EYS: variants seen among roughly 807,000 people sequenced by gnomAD.
The protein encoded by EYS is protein eyes shut homolog.
Under a neutral mutation model 282.1 loss-of-function variants are expected in EYS, and 250 were observed. The ratio of observed to expected loss-of-function variants is 0.89; its 90% CI spans 0.80 to 0.98. The LOEUF (loss-of-function observed/expected upper bound fraction) is 0.98. EYS is among the 50% of genes least tolerant of loss of function. The probability of loss-of-function intolerance (pLI) is 0.00; values close to 1 mark genes in which losing one functional copy is unlikely to be tolerated. For synonymous variants in EYS, 1,355 were observed against 1,282.9 expected, an observed-to-expected ratio of 1.06 and a Z score of -1.20; for missense variants, 4,016 against 3,709.0, an observed-to-expected ratio of 1.08 and a Z score of -2.15.
rs145215412 is a variant in EYS at position 65,424,813 on chromosome 6, C to G, written c.863-19446G>C. On this transcript the variant is annotated intron_variant, in intron 5 of 42. Coordinates refer to ENST00000503581, the MANE Select transcript of EYS (RefSeq NM_001142800.2). ...TAGTATGCCTTCAATAACCCTCAAA[C>G]CTAGAAGCTATTATTAATAAAAAGC... 4.6e-3 allele frequency among the ~76,000 whole-genome samples: 705 copies of G among 152,066 alleles called. 6 individuals carry two copies. Among genetic ancestry groups the G allele is most frequent in the African/African-American group, 0.016 (670 of 41,508 alleles).
intron 35 of EYS, among the ~76,000 whole-genome samples, chr6:63,933,466 C>G (rs1764958880): frequency 6.6e-6 from 1 of 152,194 alleles, no homozygotes; most frequent in Non-Finnish European, 1.5e-5. Context: ...CTCGGCCTCC[C>G]ACAGTGCTGG....
At chr6:64,085,340 G>GTGCACACACACACACACACA (rs1772117877) in intron 31 of EYS, among the ~76,000 whole-genome samples, 1 of 139,814 alleles carries the variant, frequency 7.2e-6, no homozygotes, top group South Asian at 2.3e-4. Flanking sequence ...ACGTGCGCGC[G>GTGCACACACACACACACACA]CACACACACA....
At chr6:63,984,302 A>G (rs759966943) in intron 35 of EYS, 81 bp downstream of exon 35, 28 of 977,934 alleles carry the variant, frequency 2.9e-5, no homozygotes, top group Non-Finnish European at 4.2e-5. Flanking sequence ...CGTCTCTCAG[A>G]GGACAATACT....
intron 15 of EYS, among the ~76,000 whole-genome samples, chr6:64,922,287 A>G (rs1261887443): frequency 2.6e-5 from 4 of 152,240 alleles, no homozygotes; most frequent in Non-Finnish European, 5.9e-5. Flanking sequence ...ATTGACAAGG[A>G]CATTGTGTTG....
intron 33 of EYS, among the ~76,000 whole-genome samples, chr6:64,057,008 C>T (rs1240160230): frequency 6.6e-6 from 1 of 152,036 alleles, no homozygotes; most frequent in East Asian, 1.9e-4. Flanking sequence ...GTAAGAGGGA[C>T]CAGGACAGAA....
intron 1 of EYS, among the ~76,000 whole-genome samples, chr6:65,668,496 T>A (rs1402175474): frequency 1.3e-5 from 2 of 151,818 alleles, no homozygotes; most frequent in Non-Finnish European, 1.5e-5. Context: ...CTGCTTTCAC[T>A]CTACAATGAC....
intron 22 of EYS, among the ~76,000 whole-genome samples, chr6:64,710,125 T>C (rs1292119663): frequency 1.3e-5 from 2 of 152,236 alleles, no homozygotes; most frequent in Non-Finnish European, 1.5e-5. Context: ...AGGGACATGA[T>C]TATTAATGAT....
chr6:65,182,945 C>T (rs1050388757), intron 12 of EYS, among the ~76,000 whole-genome samples: 2 of 151,730 alleles, frequency 1.3e-5, no homozygotes, highest in Non-Finnish European at 2.9e-5. Flanking sequence ...CACACCACCA[C>T]GCCTGGCTGA....
At chr6:65,310,364 T>C (rs1483968707) in intron 11 of EYS, among the ~76,000 whole-genome samples, 2 of 152,026 alleles carry the variant, frequency 1.3e-5, no homozygotes, top group African/African-American at 4.8e-5. Flanking sequence ...TCTAGCTATC[T>C]ATCTATAGAT....
chr6:64,088,063 A>G (rs558333789), intron 31 of EYS, among the ~76,000 whole-genome samples: 14 of 152,196 alleles, frequency 9.2e-5, no homozygotes, highest in Middle Eastern at 3.4e-3. Flanking sequence ...AACAACAATT[A>G]TAAGCAATAA....
intron 22 of EYS, among the ~76,000 whole-genome samples, chr6:64,708,015 C>CA (rs147355945): frequency 0.012 from 1,848 of 150,228 alleles, 43 homozygotes; most frequent in African/African-American, 0.041. Flanking sequence ...ATATACAGCA[C>CA]AAAAAAAAAC....
At chr6:63,781,866 G>A (rs1324988154) in intron 39 of EYS, among the ~76,000 whole-genome samples, 1 of 152,114 alleles carries the variant, frequency 6.6e-6, no homozygotes, top group Non-Finnish European at 1.5e-5. Flanking sequence ...TGCCCATTCA[G>A]TATGATATTG....
At chr6:64,296,541 AATATATATATATATATAT>A (rs1211614579) in intron 30 of EYS, among the ~76,000 whole-genome samples, 12 of 15,722 alleles carry the variant, frequency 7.6e-4, no homozygotes, top group East Asian at 1.9e-3. Flanking sequence ...GTACTGGCAG[AATATATATATATATATAT>A]ATATATATAT....
chr6:63,836,019 A>C (rs1022004272), intron 36 of EYS, among the ~76,000 whole-genome samples: 1 of 152,094 alleles, frequency 6.6e-6, no homozygotes, highest in African/African-American at 2.4e-5. Context: ...GGCTGTTATG[A>C]ATAATGCTCC....
At chr6:65,401,523 G>A (rs1766496682) in intron 7 of EYS, among the ~76,000 whole-genome samples, 1 of 151,348 alleles carries the variant, frequency 6.6e-6, no homozygotes, top group Non-Finnish European at 1.5e-5. Context: ...GTTTATTGAT[G>A]AATTAATATA....
At position 64,779,811 on chromosome 6, in the gene EYS, A is replaced by G. The variant is rs1027558074; in HGVS notation, c.3443+33567T>C. Among the ~76,000 whole-genome samples, 39 of 152,216 alleles carry G rather than the reference A, an allele frequency of 2.6e-4. 1 individual carries two copies. Among genetic ancestry groups the G allele is most frequent in the Admixed American group, 1.4e-3 (21 of 15,284 alleles). On this transcript the variant is annotated intron_variant, in intron 22 of 42. Coordinates refer to ENST00000503581, the MANE Select transcript of EYS (RefSeq NM_001142800.2). ...AAAACTGCTCAAAAACATAAGAGCT[A>G]TAAATTAAACATTATTTTAAAATGC...
chr6:64,768,809 G>A (rs575677598), intron 22 of EYS, among the ~76,000 whole-genome samples: 3 of 152,064 alleles, frequency 2.0e-5, no homozygotes, highest in African/African-American at 7.2e-5. Context: ...TCACAAAAAG[G>A]GCAGGCTGTT....
intron 12 of EYS, among the ~76,000 whole-genome samples, chr6:65,240,238 G>C (rs1767024564): frequency 6.6e-6 from 1 of 152,094 alleles, no homozygotes; most frequent in Non-Finnish European, 1.5e-5. Flanking sequence ...AAAGTGCTGG[G>C]ATTACAGACA....
chr6:65,188,165 A>T (rs1765557443), intron 12 of EYS, among the ~76,000 whole-genome samples: 3 of 151,636 alleles, frequency 2.0e-5, no homozygotes, highest in African/African-American at 7.2e-5. Context: ...AGTTATATCA[A>T]ATATTTTACA....
Sources: gnomAD v4.1 joint callset for allele counts (sites outside exome capture counted in the v4.1 genomes callset) on GRCh38, gnomAD v4.1.1 for gene constraint, MANE v1.5 for transcripts, NCBI Gene and HGNC (gene_info 2026-07-23, HGNC 2026-07-21) for gene names.